Variants in DMD observed in about 807,000 individuals in gnomAD.
DMD encodes mutant dystrophin.
In DMD, 63 loss-of-function variants were observed where a neutral mutation model predicts 330.1. That is an observed-to-expected ratio of 0.19 (90% CI 0.16 to 0.24). The LOEUF (loss-of-function observed/expected upper bound fraction) is 0.24, where lower values mean the gene tolerates loss of function less well. Ranked by LOEUF, DMD falls within the 10% of genes least tolerant of loss-of-function variation. DMD has a pLI of 1.00. For missense variants in DMD, 3,344 were observed against 2,684.1 expected (o/e 1.25, Z -5.43); for synonymous variants, 1,223 against 959.8 (o/e 1.27, Z -5.07).
chrX:31,986,207 A>G (rs1426465437), intron 44 of DMD, among the ~76,000 whole-genome samples: 2 of 111,734 alleles, frequency 1.8e-5, no homozygotes, highest in African/African-American at 6.5e-5. Context: ...GGAGTTTACT[A>G]TATTGTATTG....
rs182123625 is a variant in DMD at position 32,686,802 on chromosome X, T to A, written c.960+11068A>T. 3.6e-3 allele frequency among the ~76,000 whole-genome samples: 395 copies of A among 111,099 alleles called. 5 individuals are homozygous for A. The highest frequency in any genetic ancestry group is 0.03 in the Admixed American group (308 of 10,380). On this transcript the variant is annotated intron_variant, in intron 9 of 78. Transcript: ENST00000357033. The stretch of plus-strand genomic sequence containing the variant: ...AAAGAAAATCAAATTACTTAATGAA[T>A]GTAGAAACTAGAGATCGCCCTACAG...
chrX:32,862,122 C>CT (rs2082116821), intron 2 of DMD, among the ~76,000 whole-genome samples: 1 of 111,661 alleles, frequency 9.0e-6, no homozygotes, highest in Non-Finnish European at 1.9e-5. Context: ...CTTGTAGAGA[C>CT]TTCTCTCTAC....
rs780796042 is a variant in DMD at position 32,509,879 on chromosome X, C to A, written c.2293-8037G>T. Among the ~76,000 whole-genome samples the A allele has an allele frequency of 3.6e-5, 4 of 110,779 alleles. No individual in the cohort carries two copies. The East Asian group carries it at 1.1e-3, about 31-fold the overall frequency. ...TAGGCCAAAAACAGAATCCTCCACT[C>A]CCCTCTCTCTCTCAAGCCTCACATT... On this transcript the variant is annotated intron_variant, in intron 18 of 78. Coordinates refer to ENST00000357033, the MANE Select transcript of DMD (RefSeq NM_004006.3).
chrX:31,867,090 T>TTATATATATATATATATATATATA (rs1569487063), intron 48 of DMD, among the ~76,000 whole-genome samples: 11 of 56,850 alleles, frequency 1.9e-4, no homozygotes, highest in African/African-American at 8.3e-4. Context: ...CAACATATTT[T>TTATATATATATATATATATATATA]GATATATATA....
chrX:32,009,217 G>A (rs1405026493), intron 44 of DMD, among the ~76,000 whole-genome samples: 2 of 111,707 alleles, frequency 1.8e-5, no homozygotes, highest in Admixed American at 1.9e-4. Flanking sequence ...AGTGTCTGAA[G>A]GATAACTGAA....
chrX:33,155,492 T>A lies in DMD; in HGVS notation c.31+55790A>T, dbSNP rs143881197. On this transcript the variant is annotated intron_variant, in intron 1 of 78. Transcript: ENST00000357033. ...CACCACACCCAGCTAATTTTTGTAT[T>A]TTTAATAGAGATGGGGTTTCACCAT... is the stretch of plus-strand genomic sequence containing the variant. Among the ~76,000 whole-genome samples, 445 of 110,358 alleles carry A rather than the reference T, an allele frequency of 4.0e-3. 3 individuals are homozygous for A. The highest frequency in any genetic ancestry group is 0.014 in the African/African-American group (425 of 30,338).
intron 60 of DMD, among the ~76,000 whole-genome samples, chrX:31,390,627 C>T (rs1407791141): frequency 1.8e-5 from 2 of 111,493 alleles, no homozygotes; most frequent in Non-Finnish European, 1.9e-5. Context: ...CCAAGTCATA[C>T]AGATTTTGTC....
chrX:33,034,405 G>C (rs1386305143), intron 1 of DMD, among the ~76,000 whole-genome samples: 3 of 111,602 alleles, frequency 2.7e-5, no homozygotes, highest in South Asian at 3.8e-4. Context: ...TCGAAAGGTA[G>C]TTCTGCTACT....
In DMD at chrX:31,514,884, G is replaced by T. The variant is rs763495497; in HGVS notation, c.8218-7431C>A. Among the ~76,000 whole-genome samples the T allele has an allele frequency of 3.6e-5, 4 of 111,114 alleles. No homozygotes were observed. The East Asian group carries it at 8.5e-4, about 24-fold the overall frequency. The stretch of plus-strand genomic sequence containing the variant: ...GAAATGAATTTGGTTTATGAGCAGG[G>T]ACAATGAATTGCACAACCTGATTGG... On this transcript the variant is annotated intron_variant, in intron 55 of 78. Transcript: ENST00000357033.
intron 48 of DMD, among the ~76,000 whole-genome samples, chrX:31,857,030 G>A (rs943122036): frequency 9.0e-6 from 1 of 111,317 alleles, no homozygotes; most frequent in Non-Finnish European, 1.9e-5. Flanking sequence ...ATACATTATT[G>A]TGAGTGCTTC....
rs189766503 is a variant in DMD at position 33,111,774 on chromosome X, T to C, written c.32-91574A>G. ...GGTGCCTGCCACCACGCCCGGCTGATTTTTTTTCTATTTTTAGTAGAGACC... is the reference window on the plus strand; with the variant it reads ...GGTGCCTGCCACCACGCCCGGCTGACTTTTTTTCTATTTTTAGTAGAGACC... On this transcript the variant is annotated intron_variant, in intron 1 of 78. Transcript: ENST00000357033. 4.3e-3 allele frequency among the ~76,000 whole-genome samples: 476 copies of C among 110,146 alleles called. 3 individuals carry two copies. Among genetic ancestry groups the C allele is most frequent in the African/African-American group, 0.015 (459 of 30,294 alleles).
intron 1 of DMD, among the ~76,000 whole-genome samples, chrX:33,255,257 C>CTGTTATACTGAA (rs1355752497): frequency 7.2e-5 from 8 of 110,904 alleles, no homozygotes; most frequent in Non-Finnish European, 1.5e-4. Context: ...ATAAACATCA[C>CTGTTATACTGAA]TGTTATACTG....
intron 44 of DMD, among the ~76,000 whole-genome samples, chrX:32,042,387 T>C (rs2096017768): frequency 9.1e-6 from 1 of 109,451 alleles, no homozygotes; most frequent in Admixed American, 9.9e-5. Flanking sequence ...GCACCTCCTT[T>C]ACAAGGTGGC....
intron 37 of DMD, among the ~76,000 whole-genome samples, chrX:32,359,457 C>A (rs375200856): frequency 1.8e-5 from 2 of 110,836 alleles, no homozygotes; most frequent in East Asian, 5.6e-4. Flanking sequence ...TATTTTTTTT[C>A]CCCAGGTTAC....
intron 44 of DMD, among the ~76,000 whole-genome samples, chrX:32,074,891 A>G (rs866291721): frequency 8.2e-5 from 9 of 109,835 alleles, no homozygotes; most frequent in African/African-American, 3.0e-4. Context: ...CAACAACAAC[A>G]ACGACAACAA....
intron 1 of DMD, among the ~76,000 whole-genome samples, chrX:33,165,630 G>T (rs2048431717): frequency 9.0e-6 from 1 of 111,551 alleles, no homozygotes; most frequent in African/African-American, 3.3e-5. Flanking sequence ...GCTCAGGAAT[G>T]AAATGTTTCT....
chrX:32,268,101 G>A (rs756496047), intron 43 of DMD, among the ~76,000 whole-genome samples: 24 of 111,240 alleles, frequency 2.2e-4, no homozygotes, highest in Non-Finnish European at 9.4e-5. Context: ...ACACAAATAC[G>A]CAGAAGAGTG....
intron 1 of DMD, among the ~76,000 whole-genome samples, chrX:33,258,317 C>G (rs5928216): frequency 4.4e-3 from 480 of 109,730 alleles, no homozygotes; most frequent in African/African-American, 0.015. Context: ...TATAACTATA[C>G]CAAAGTGTTC....
intron 57 of DMD, among the ~76,000 whole-genome samples, chrX:31,482,982 C>T (rs1386291006): frequency 1.8e-5 from 2 of 108,744 alleles, no homozygotes; most frequent in African/African-American, 6.7e-5. Flanking sequence ...TATGTTACGA[C>T]CTTGACAGAA....
Sources: gnomAD v4.1 joint callset for allele counts (sites outside exome capture counted in the v4.1 genomes callset) on GRCh38, gnomAD v4.1.1 for gene constraint, MANE v1.5 for transcripts, NCBI Gene and HGNC (gene_info 2026-07-23, HGNC 2026-07-21) for gene names.